NCKAP5: variants seen among roughly 807,000 people sequenced by gnomAD.
NCKAP5 encodes the protein NCK associated protein 5.
A neutral mutation model predicts 167.0 loss-of-function variants in NCKAP5; 92 were observed. The ratio of observed to expected loss-of-function variants is 0.55; its 90% confidence interval spans 0.47 to 0.66. The LOEUF is 0.66. NCKAP5 is among the 30% of genes least tolerant of loss of function. NCKAP5 has a pLI of 0.00. For missense variants in NCKAP5, 2,378 were observed against 2,315.0 expected (o/e 1.03, Z -0.56); for synonymous variants, 891 against 877.4 (o/e 1.02, Z -0.27).
chr2:132,911,249 G>C (rs1445505932), intron 8 of NCKAP5: 2 of 160,226 alleles, frequency 1.2e-5, no homozygotes, highest in African/African-American at 4.8e-5. Context: ...TAAAGCACTT[G>C]TAACGCAGGT....
chr2:133,162,177 A>G (rs1475250009), intron 5 of NCKAP5, among the ~76,000 whole-genome samples: 1 of 152,222 alleles, frequency 6.6e-6, no homozygotes, highest in Admixed American at 6.5e-5. Context: ...AGGATGTTCT[A>G]CATAAATAGG....
At chr2:133,654,412 A>ATAAG in the NCKAP5 span, among the ~76,000 whole-genome samples, 1 of 150,840 alleles carries the variant, frequency 6.6e-6, no homozygotes, top group African/African-American at 2.4e-5. Context: ...AAATAAATAA[A>ATAAG]TCCCTCAAAT....
At chr2:132,985,034 T>C (rs911678925) in intron 7 of NCKAP5, among the ~76,000 whole-genome samples, 2 of 151,666 alleles carry the variant, frequency 1.3e-5, no homozygotes, top group African/African-American at 4.9e-5. Flanking sequence ...GCTGGCTCTC[T>C]GCTGAGATGA....
At chr2:133,599,957 C>T in the NCKAP5 span, among the ~76,000 whole-genome samples, 1 of 152,190 alleles carries the variant, frequency 6.6e-6, no homozygotes, top group Admixed American at 6.5e-5. Flanking sequence ...GTGGGGTGAG[C>T]GAATGCCAAA....
rs531911076 is a variant in NCKAP5, at chr2:133,490,802, A to G, written c.69+26656T>C. Among the ~76,000 whole-genome samples, 6 of 152,346 alleles carry G rather than the reference A, an allele frequency of 3.9e-5. 1 individual carries two copies. The highest frequency in any genetic ancestry group is 1.4e-4 in the African/African-American group (6 of 41,590). On this transcript the variant is annotated intron_variant, in intron 3 of 19. Coordinates refer to ENST00000409261, the MANE Select transcript of NCKAP5 (RefSeq NM_207363.3). ...GAAAACAGAACTGACACAATTGACT[A>G]CAAGTTTTTCCAAGGAAGTGTTCAT...
At chr2:133,533,093 A>G (rs1407879369) in intron 2 of NCKAP5, among the ~76,000 whole-genome samples, 1 of 152,194 alleles carries the variant, frequency 6.6e-6, no homozygotes, top group Admixed American at 6.5e-5. Flanking sequence ...GAAGTACCTT[A>G]TGGGGAAAAT....
chr2:133,651,237 C>T, the NCKAP5 span, among the ~76,000 whole-genome samples: 1 of 152,092 alleles, frequency 6.6e-6, no homozygotes, highest in East Asian at 1.9e-4. Context: ...AAAATATTTG[C>T]AAATCACATA....
At chr2:133,170,908 A>G (rs2084221262) in intron 5 of NCKAP5, among the ~76,000 whole-genome samples, 1 of 151,918 alleles carries the variant, frequency 6.6e-6, no homozygotes, top group African/African-American at 2.4e-5. Flanking sequence ...CCTCTTTAAA[A>G]CACAACCTTC....
the NCKAP5 span, among the ~76,000 whole-genome samples, chr2:133,583,050 A>G: frequency 2.0e-5 from 3 of 152,224 alleles, no homozygotes; most frequent in Non-Finnish European, 4.4e-5. Flanking sequence ...GGAAGCAATT[A>G]GGCTATTATT....
the NCKAP5 span, among the ~76,000 whole-genome samples, chr2:133,665,472 AACTTC>A: frequency 6.6e-6 from 1 of 152,202 alleles, no homozygotes. Context: ...CACACATTTT[AACTTC>A]ACCTCCTATA....
At chr2:132,719,478 C>G (rs1689703134) in intron 19 of NCKAP5, among the ~76,000 whole-genome samples, 1 of 152,128 alleles carries the variant, frequency 6.6e-6, no homozygotes. Context: ...ATACATGTAC[C>G]TAGGAGAGTG....
intron 11 of NCKAP5, among the ~76,000 whole-genome samples, chr2:132,842,209 A>G (rs1454404674): frequency 6.6e-6 from 1 of 152,062 alleles, no homozygotes; most frequent in Non-Finnish European, 1.5e-5. Context: ...ATTTATTTCC[A>G]ATTTGTTAGG....
At chr2:133,390,616 C>T (rs1442399246) in intron 3 of NCKAP5, among the ~76,000 whole-genome samples, 1 of 152,178 alleles carries the variant, frequency 6.6e-6, no homozygotes, top group Non-Finnish European at 1.5e-5. Flanking sequence ...CCAGGACTGC[C>T]ATCTCACCAA....
At chr2:133,253,006 C>T (rs889385336) in intron 4 of NCKAP5, among the ~76,000 whole-genome samples, 1 of 152,204 alleles carries the variant, frequency 6.6e-6, no homozygotes, top group Non-Finnish European at 1.5e-5. Flanking sequence ...TCATTCACTT[C>T]GCCAGCCTTC....
At chr2:133,452,769 T>C (rs1485797979) in intron 3 of NCKAP5, among the ~76,000 whole-genome samples, 1 of 152,136 alleles carries the variant, frequency 6.6e-6, no homozygotes, top group Admixed American at 6.5e-5. Flanking sequence ...CAGGACTTGT[T>C]TTTACATGCC....
At chr2:132,855,719 A>C (rs962302949) in intron 11 of NCKAP5, among the ~76,000 whole-genome samples, 5 of 152,056 alleles carry the variant, frequency 3.3e-5, no homozygotes, top group Non-Finnish European at 7.4e-5. Context: ...CTTCTTCTTT[A>C]CTCACTCACC....
intron 6 of NCKAP5, among the ~76,000 whole-genome samples, chr2:133,110,325 G>T (rs1171821630): frequency 6.6e-6 from 1 of 152,192 alleles, no homozygotes; most frequent in Admixed American, 6.5e-5. Context: ...GGGCAATAAA[G>T]TATTTACAAC....
chr2:133,488,704 A>T (rs986280713), intron 3 of NCKAP5, among the ~76,000 whole-genome samples: 23 of 152,094 alleles, frequency 1.5e-4, no homozygotes, highest in Admixed American at 2.6e-4. Flanking sequence ...TGGGCGGATC[A>T]TGAGGTCAAG....
intron 8 of NCKAP5, among the ~76,000 whole-genome samples, chr2:132,956,568 C>T (rs562228700): frequency 5.4e-4 from 83 of 152,310 alleles, no homozygotes; most frequent in African/African-American, 1.9e-3. Context: ...CACTAGAACA[C>T]GGCCATTGGC....
Sources: gnomAD v4.1 joint callset for allele counts (sites outside exome capture counted in the v4.1 genomes callset) on GRCh38, gnomAD v4.1.1 for gene constraint, MANE v1.5 for transcripts, NCBI Gene and HGNC (gene_info 2026-07-23, HGNC 2026-07-21) for gene names.